The following ZNF292 variants were observed in gnomAD, a reference collection of about 807,000 sequenced individuals.
ZNF292 encodes the protein 16 zinc-finger domain protein.
Under a neutral mutation model 217.9 loss-of-function variants are expected in ZNF292, and 26 were observed. That is an observed-to-expected ratio of 0.12 (90% CI 0.09 to 0.17). The LOEUF (loss-of-function observed/expected upper bound fraction) is 0.17. ZNF292 is among the 10% of genes least tolerant of loss of function. The pLI, the probability that ZNF292 is intolerant of heterozygous loss-of-function variation, is 1.00. For missense variants in ZNF292, 2,904 were observed against 3,175.2 expected, an observed-to-expected ratio of 0.91 and a Z score of 2.05; for synonymous variants, 1,257 against 1,124.1, an observed-to-expected ratio of 1.12 and a Z score of -2.37.
chr6:87,196,053 A>G lies in ZNF292; in HGVS notation c.169-19850A>G, dbSNP rs148147009. Among the ~76,000 whole-genome samples, 1,133 of 152,110 alleles carry G rather than the reference A, an allele frequency of 7.4e-3. 23 individuals are homozygous for G. The highest frequency in any genetic ancestry group is 0.025 in the African/African-American group (1,028 of 41,472). Reference sequence around the variant, plus strand: ...AAAAAAAAAAAAACAAAAAGAAAAAAAAATTGAGAATTAGGATGTTTCTAT... The same window carrying G: ...AAAAAAAAAAAAACAAAAAGAAAAAGAAATTGAGAATTAGGATGTTTCTAT... On this transcript the variant is annotated intron_variant, in intron 1 of 7. Coordinates refer to ENST00000369577, the MANE Select transcript of ZNF292 (RefSeq NM_015021.3).
intron 7 of ZNF292, among the ~76,000 whole-genome samples, chr6:87,248,095 A>G (rs983647002): frequency 3.3e-5 from 5 of 152,352 alleles, no homozygotes; most frequent in South Asian, 2.1e-4. Flanking sequence ...TTCCATTTAA[A>G]TGTACATAGG....
At chr6:87,229,735 A>C (rs920182788) in intron 4 of ZNF292, among the ~76,000 whole-genome samples, 3 of 152,114 alleles carry the variant, frequency 2.0e-5, no homozygotes, top group African/African-American at 7.2e-5. Flanking sequence ...CTAATTGCTG[A>C]ATTATTTCTA....
At chr6:87,179,823 C>T (rs753477686) in intron 1 of ZNF292, among the ~76,000 whole-genome samples, 17 of 152,130 alleles carry the variant, frequency 1.1e-4, no homozygotes, top group Non-Finnish European at 2.4e-4. Flanking sequence ...TTTATTTGCC[C>T]TATTTCCTCC....
intron 1 of ZNF292, among the ~76,000 whole-genome samples, chr6:87,180,638 C>T (rs1771444937): frequency 6.6e-6 from 1 of 151,916 alleles, no homozygotes; most frequent in Non-Finnish European, 1.5e-5. Flanking sequence ...TTCTCAATGT[C>T]CCAACTGACT....
Position 87,211,174 on chromosome 6 carries a change from C to T in ZNF292, c.169-4729C>T, listed in dbSNP as rs78061255. 6.5e-3 allele frequency among the ~76,000 whole-genome samples: 989 copies of T among 152,204 alleles called. 15 individuals are homozygous for T. Among genetic ancestry groups the T allele is most frequent in the African/African-American group, 0.023 (950 of 41,552 alleles). On this transcript the variant is annotated intron_variant, in intron 1 of 7. Transcript: ENST00000369577. ...TGCTCCTCTTTGAATAACTTCAGTT[C>T]GTGGGCCACCACCTGTCTCAGGAGG...
At chr6:87,158,266 G>C (rs1402526657) in intron 1 of ZNF292, among the ~76,000 whole-genome samples, 1 of 152,186 alleles carries the variant, frequency 6.6e-6, no homozygotes, top group Admixed American at 6.5e-5. Flanking sequence ...TACAGAGTGT[G>C]TCTGATTTCC....
rs933484597 is a variant in ZNF292 at position 87,197,011 on chromosome 6, A to G, written c.169-18892A>G. Among the ~76,000 whole-genome samples the G allele has an allele frequency of 4.6e-5, 7 of 152,238 alleles. No individual in the cohort carries two copies. In the East Asian group the frequency reaches 1.3e-3, roughly 29 times the overall value. ...TTCTTGCAGTGTGACAAGAAAAGAG[A>G]CCATCAGTGTGATAGAGCAACAGAC... On this transcript the variant is annotated intron_variant, in intron 1 of 7. Coordinates refer to ENST00000369577, the MANE Select transcript of ZNF292 (RefSeq NM_015021.3).
At chr6:87,210,137 C>G (rs980917818) in intron 1 of ZNF292, among the ~76,000 whole-genome samples, 1 of 152,108 alleles carries the variant, frequency 6.6e-6, no homozygotes, top group Admixed American at 6.5e-5. Flanking sequence ...CTCTTTCTCC[C>G]TAAAGCATGT....
At chr6:87,218,863 G>T (rs1289524865) in intron 4 of ZNF292, 132 bp downstream of exon 4, 2 of 921,368 alleles carry the variant, frequency 2.2e-6, no homozygotes, top group Non-Finnish European at 3.1e-6. Context: ...TCTGAGGTGT[G>T]CTTGAGGCCC....
chr6:87,257,041 A>C lies in ZNF292; in HGVS notation c.3412A>C (p.Lys1138Gln), dbSNP rs1562184958. ...AAFKMQRKSK[K>Q]GQKANNLNTP... ...ATTTAAAATGCAGCGCAAAAGTAAA[A>C]AAGGTCAGAAAGCTAACAACTTAAA... is the stretch of plus-strand genomic sequence containing the variant. Residue 1138 changes from lysine (K) to glutamine (Q), a missense_variant, in exon 8 of 8, where the codon AAA (lysine) becomes CAA (glutamine). By Grantham distance (53) the Lys-to-Gln change is moderately conservative. Around this residue, in one of 15 missense-constraint regions of ZNF292, gnomAD observed 687 missense variants for 623.0 expected, o/e 1.10. Coordinates refer to ENST00000369577, the MANE Select transcript of ZNF292 (RefSeq NM_015021.3). 1 of 1,613,828 alleles carries C rather than the reference A, an allele frequency of 6.2e-7. No individual in the cohort carries two copies. The highest frequency in any genetic ancestry group is 1.1e-5 in the South Asian group (1 of 91,082).
chr6:87,239,281 C>T (rs1023575297), intron 5 of ZNF292, among the ~76,000 whole-genome samples: 6 of 151,964 alleles, frequency 3.9e-5, no homozygotes, highest in African/African-American at 9.7e-5. Flanking sequence ...CCTCACCTCC[C>T]GGACGGGGCG....
Position 87,256,449 on chromosome 6 carries a change from G to A in ZNF292, c.2820G>A (p.Lys940=), listed in dbSNP as rs1344771563. Residue 940 remains lysine (K), a synonymous_variant, in exon 8 of 8, where the codon AAG becomes AAA. Transcript: ENST00000369577. ...LQSSEVAVSI[K]VSLNQGIEDN... Reference sequence around the variant, plus strand: ...CCAGTGAAGTAGCTGTGTCCATTAAGGTGTCTCTCAATCAGGGGATTGAGG... The same window carrying A: ...CCAGTGAAGTAGCTGTGTCCATTAAAGTGTCTCTCAATCAGGGGATTGAGG... The A allele has an allele frequency of 2.5e-6, 4 of 1,607,752 alleles. No homozygotes were observed. Among genetic ancestry groups the A allele is most frequent in the East Asian group, 4.5e-5 (2 of 44,878 alleles).
intron 6 of ZNF292, among the ~76,000 whole-genome samples, chr6:87,244,866 C>T (rs909716992): frequency 5.3e-5 from 8 of 151,860 alleles, no homozygotes; most frequent in South Asian, 2.1e-4. Flanking sequence ...CACATATATA[C>T]GTACACACAC....
In ZNF292 at chr6:87,259,112, C is replaced by G; in HGVS notation, c.5483C>G (p.Ser1828Cys). 3 of 1,613,296 alleles carry G rather than the reference C, an allele frequency of 1.9e-6. No homozygotes were observed. Among genetic ancestry groups the G allele is most frequent in the South Asian group, 2.2e-5 (2 of 91,044 alleles). ...CCAACAAAAAGTAACATTCCTCAGT[C>G]TGAAGTATCACATAAGGAGGATCAA... ...VMPTKSNIPQ[S>C]EVSHKEDQIQ... is the part of the protein sequence containing the mutation. The change falls in exon 8 of 8, where the codon TCT (serine) becomes TGT (cysteine). Residue 1828 changes from serine to cysteine, a missense_variant. This residue lies in a region of ZNF292 where 622 missense variants were observed against 573.1 expected (regional missense o/e 1.09). Transcript: ENST00000369577.
At chr6:87,219,993 G>C (rs1301458711) in intron 4 of ZNF292, among the ~76,000 whole-genome samples, 2 of 151,886 alleles carry the variant, frequency 1.3e-5, no homozygotes, top group Non-Finnish European at 2.9e-5. Flanking sequence ...GCTAGTTTTT[G>C]TATTTTTATT....
chr6:87,169,449 T>C (rs749432032), intron 1 of ZNF292, among the ~76,000 whole-genome samples: 10 of 152,148 alleles, frequency 6.6e-5, no homozygotes, highest in Admixed American at 4.6e-4. Flanking sequence ...TGGTTCCTCA[T>C]TGCAGACAGT....
intron 7 of ZNF292, among the ~76,000 whole-genome samples, chr6:87,251,414 A>G (rs963446883): frequency 6.6e-6 from 1 of 152,232 alleles, no homozygotes; most frequent in Non-Finnish European, 1.5e-5. Flanking sequence ...CTAGGCAGCC[A>G]GAGGGAAAGA....
intron 5 of ZNF292, among the ~76,000 whole-genome samples, chr6:87,239,907 A>G (rs1051858386): frequency 1.4e-5 from 2 of 145,966 alleles, no homozygotes; most frequent in African/African-American, 5.1e-5. Context: ...ATCCCAGACG[A>G]TGGGTGGCCA....
chr6:87,260,534 T>G lies in ZNF292; in HGVS notation c.6905T>G (p.Met2302Arg), dbSNP rs201064332. ...PRRLTPGQEN[M>R]SSKANQEKSK... ...AGATTAACACCAGGCCAGGAAAATA[T>G]GTCAAGCAAGGCAAACCAAGAAAAA... The change falls in exon 8 of 8, where the codon ATG (methionine) becomes AGG (arginine). Residue 2302 changes from methionine to arginine, a missense_variant. By Grantham distance (91) the Met-to-Arg change is moderately conservative. Coordinates refer to ENST00000369577, the MANE Select transcript of ZNF292 (RefSeq NM_015021.3). 1.4e-5 allele frequency: 22 copies of G among 1,613,112 alleles called. No homozygotes were observed. The highest frequency in any genetic ancestry group is 1.6e-5 in the Non-Finnish European group (19 of 1,179,604).
Sources: gnomAD v4.1 joint callset for allele counts (sites outside exome capture counted in the v4.1 genomes callset) on GRCh38, gnomAD v4.1.1 for gene constraint, gnomAD v4.1.1 regional missense constraint, MANE v1.5 for transcripts, NCBI Gene and HGNC (gene_info 2026-07-23, HGNC 2026-07-21) for gene names.